Variants in MACROD2 observed in about 807,000 individuals in gnomAD.
MACROD2 encodes mono-ADP ribosylhydrolase 2.
A neutral mutation model predicts 70.4 loss-of-function variants in MACROD2; 36 were observed. The ratio of observed to expected loss-of-function variants is 0.51; its 90% CI spans 0.39 to 0.68. The LOEUF is 0.68. MACROD2 is among the 30% of genes least tolerant of loss of function. The probability of loss-of-function intolerance (pLI) is 0.00; values close to 1 mark genes in which losing one functional copy is unlikely to be tolerated. For missense variants in MACROD2, 496 were observed against 538.4 expected (o/e 0.92, Z 0.78); for synonymous variants, 172 against 178.8 (o/e 0.96, Z 0.30).
chr20:14,793,413 T>C (rs974741257), intron 5 of MACROD2, among the ~76,000 whole-genome samples: 5 of 151,962 alleles, frequency 3.3e-5, no homozygotes, highest in Admixed American at 2.6e-4. Flanking sequence ...ATTCATTACA[T>C]AGACTGATAC....
intron 3 of MACROD2, among the ~76,000 whole-genome samples, chr20:14,194,086 G>T (rs2081410672): frequency 6.6e-6 from 1 of 152,130 alleles, no homozygotes; most frequent in African/African-American, 2.4e-5. Flanking sequence ...TGATTTGGTT[G>T]TAACTCCTCC....
At chr20:14,319,532 C>G (rs1348895210) in intron 3 of MACROD2, among the ~76,000 whole-genome samples, 1 of 152,062 alleles carries the variant, frequency 6.6e-6, no homozygotes. Context: ...AAAGAGTAGT[C>G]TTAATCATTG....
At chr20:14,315,310 C>G (rs1247164261) in intron 3 of MACROD2, among the ~76,000 whole-genome samples, 1 of 152,168 alleles carries the variant, frequency 6.6e-6, no homozygotes, top group Admixed American at 6.5e-5. Flanking sequence ...TATGCTAATA[C>G]TCTACATTTG....
chr20:14,628,001 G>C (rs1322197618), intron 4 of MACROD2, among the ~76,000 whole-genome samples: 1 of 152,172 alleles, frequency 6.6e-6, no homozygotes, highest in African/African-American at 2.4e-5. Flanking sequence ...TTGTTGAGCA[G>C]AGCAACACAG....
At chr20:14,972,766 A>G (rs1302298560) in intron 5 of MACROD2, among the ~76,000 whole-genome samples, 1 of 152,192 alleles carries the variant, frequency 6.6e-6, no homozygotes, top group Admixed American at 6.5e-5. Flanking sequence ...CTCTCTGCAC[A>G]TGAAGAGAAT....
At chr20:14,540,415 C>T (rs1480750655) in intron 4 of MACROD2, among the ~76,000 whole-genome samples, 1 of 152,176 alleles carries the variant, frequency 6.6e-6, no homozygotes, top group Admixed American at 6.5e-5. Context: ...AACCCTTCCC[C>T]TGCCCTTCCC....
At chr20:15,638,147 T>C (rs1228258289) in intron 8 of MACROD2, among the ~76,000 whole-genome samples, 1 of 152,152 alleles carries the variant, frequency 6.6e-6, no homozygotes, top group African/African-American at 2.4e-5. Flanking sequence ...CACAAGGAAT[T>C]TGGCTCTGAC....
At chr20:15,417,469 G>T (rs530055022) in intron 6 of MACROD2, among the ~76,000 whole-genome samples, 6 of 151,330 alleles carry the variant, frequency 4.0e-5, no homozygotes, top group Non-Finnish European at 8.8e-5. Context: ...ATGCTGGTGC[G>T]TGCCTGTAGT....
chr20:15,967,681 GAAAAAAAAA>G lies in MACROD2; in HGVS notation c.985+63_985+71del, dbSNP rs11467891. The stretch of plus-strand genomic sequence containing the variant: ...TTTTCTTTTCTTCTGCTGGGAAACA[GAAAAAAAAA>G]AAAAAAAAAAACCCACAGACTTGAA... On this transcript the variant is annotated intron_variant, in intron 13 of 17. Transcript: ENST00000684519. 11 of 417,398 alleles carry G rather than the reference GAAAAAAAAA, an allele frequency of 2.6e-5. No individual in the cohort carries two copies. The South Asian group carries it at 3.8e-4, about 15-fold the overall frequency. 25.9% of individuals were successfully genotyped at this position (417,398 alleles called of 1,614,324 possible). A position where few individuals can be genotyped will look rare whatever the true frequency, so the allele number is the denominator to read the frequency against.
At chr20:14,559,720 G>A (rs2123287239) in intron 4 of MACROD2, among the ~76,000 whole-genome samples, 1 of 151,640 alleles carries the variant, frequency 6.6e-6, no homozygotes, top group Middle Eastern at 3.4e-3. Flanking sequence ...TCATTTTAGG[G>A]CTGACCTCCA....
At chr20:14,425,759 G>A (rs1029503694) in intron 3 of MACROD2, among the ~76,000 whole-genome samples, 5 of 152,068 alleles carry the variant, frequency 3.3e-5, no homozygotes, top group Middle Eastern at 3.4e-3. Context: ...GGGACTCTTC[G>A]CATCTTTCCT....
chr20:14,006,352 C>A (rs1165608277), intron 2 of MACROD2, among the ~76,000 whole-genome samples: 1 of 152,192 alleles, frequency 6.6e-6, no homozygotes, highest in East Asian at 1.9e-4. Context: ...AATTTTATTT[C>A]ATCTATACCA....
intron 8 of MACROD2, among the ~76,000 whole-genome samples, chr20:15,858,613 T>C (rs2064385266): frequency 6.6e-6 from 1 of 152,214 alleles, no homozygotes; most frequent in Non-Finnish European, 1.5e-5. Flanking sequence ...GAATTTGAAA[T>C]CAGCATTTAG....
At chr20:14,861,318 C>G (rs2073313900) in intron 5 of MACROD2, among the ~76,000 whole-genome samples, 1 of 152,060 alleles carries the variant, frequency 6.6e-6, no homozygotes, top group Admixed American at 6.6e-5. Flanking sequence ...TGTTCTCAGT[C>G]TTGTCTACTC....
At chr20:15,406,520 A>G (rs2046003914) in intron 6 of MACROD2, among the ~76,000 whole-genome samples, 1 of 152,234 alleles carries the variant, frequency 6.6e-6, no homozygotes, top group African/African-American at 2.4e-5. Context: ...AAGAAATGTT[A>G]TCTTACAGGG....
At chr20:14,112,643 T>G (rs1218660401) in intron 3 of MACROD2, among the ~76,000 whole-genome samples, 1 of 152,008 alleles carries the variant, frequency 6.6e-6, no homozygotes, top group Non-Finnish European at 1.5e-5. Flanking sequence ...TATTTGTGAC[T>G]TTTAAGCAGC....
chr20:14,317,319 G>T (rs1244108359), intron 3 of MACROD2, among the ~76,000 whole-genome samples: 1 of 151,966 alleles, frequency 6.6e-6, no homozygotes, highest in Non-Finnish European at 1.5e-5. Context: ...TTTGAGTTTT[G>T]TTTAATATCT....
intron 8 of MACROD2, among the ~76,000 whole-genome samples, chr20:15,772,897 G>GA (rs942709686): frequency 1.6e-4 from 24 of 150,886 alleles, no homozygotes; most frequent in South Asian, 4.2e-4. Context: ...TTCTTTCCTG[G>GA]AAAAAAAAAT....
intron 8 of MACROD2, among the ~76,000 whole-genome samples, chr20:15,765,605 A>G (rs2051510149): frequency 6.6e-6 from 1 of 152,248 alleles, no homozygotes; most frequent in Non-Finnish European, 1.5e-5. Flanking sequence ...ATTATCCTTC[A>G]TATACTGTTT....
Sources: allele counts gnomAD v4.1 joint callset (sites outside exome capture counted in the v4.1 genomes callset), GRCh38; gene constraint gnomAD v4.1.1; transcripts MANE v1.5; gene names NCBI Gene and HGNC (gene_info 2026-07-23, HGNC 2026-07-21).